RBFOX1: variants seen among roughly 807,000 people sequenced by gnomAD.
RBFOX1 encodes the protein RNA binding fox-1 homolog 1, also known as RNA binding protein fox-1 homolog 1.
RBFOX1 carries 8 observed loss-of-function variants against 57.7 expected under a neutral mutation model. The observed-to-expected ratio is 0.14, with a 90% CI of 0.08 to 0.25. RBFOX1 has a LOEUF of 0.25. Ranked by LOEUF, RBFOX1 falls within the 10% of genes least tolerant of loss-of-function variation. The pLI is 1.00. For synonymous variants in RBFOX1, 326 were observed against 222.4 expected, an observed-to-expected ratio of 1.47 and a Z score of -4.15; for missense variants, 611 against 548.5, an observed-to-expected ratio of 1.11 and a Z score of -1.14.
At chr16:6,344,710 T>G (rs1394771476) in intron 2 of RBFOX1, among the ~76,000 whole-genome samples, 2 of 146,044 alleles carry the variant, frequency 1.4e-5, no homozygotes, top group Non-Finnish European at 3.0e-5. Context: ...TTTTTTTTTT[T>G]TTTTTGAGAC....
intron 1 of RBFOX1, among the ~76,000 whole-genome samples, chr16:5,427,309 G>A (rs977854160): frequency 1.3e-5 from 2 of 152,224 alleles, no homozygotes; most frequent in Non-Finnish European, 2.9e-5. Flanking sequence ...ACGTGGCTGG[G>A]CACGGTGGCT....
At chr16:7,540,629 A>T (rs766188346) in intron 5 of RBFOX1, among the ~76,000 whole-genome samples, 1 of 152,170 alleles carries the variant, frequency 6.6e-6, no homozygotes, top group Non-Finnish European at 1.5e-5. Flanking sequence ...GACATAAAAG[A>T]TGTCCGTAAA....
intron 5 of RBFOX1, among the ~76,000 whole-genome samples, chr16:7,556,722 C>T (rs1320629477): frequency 6.6e-6 from 1 of 152,130 alleles, no homozygotes; most frequent in East Asian, 1.9e-4. Flanking sequence ...TTAATTTCCT[C>T]ATCTATAAAA....
intron 4 of RBFOX1, among the ~76,000 whole-genome samples, chr16:7,334,179 G>C (rs904241788): frequency 1.3e-5 from 2 of 152,094 alleles, no homozygotes; most frequent in African/African-American, 4.8e-5. Context: ...TGGGTGATTA[G>C]AGTCATCTGG....
intron 3 of RBFOX1, among the ~76,000 whole-genome samples, chr16:6,813,757 C>T (rs551679688): frequency 4.2e-4 from 64 of 152,318 alleles, no homozygotes; most frequent in Non-Finnish European, 8.4e-4. Flanking sequence ...ACCTCCTGGG[C>T]ATGCCAATGG....
chr16:6,198,327 A>C (rs1307173377), intron 1 of RBFOX1, among the ~76,000 whole-genome samples: 1 of 152,234 alleles, frequency 6.6e-6, no homozygotes, highest in African/African-American at 2.4e-5. Flanking sequence ...TGATGACAAG[A>C]TACATTCAAG....
intron 4 of RBFOX1, among the ~76,000 whole-genome samples, chr16:7,451,502 T>G (rs1285236204): frequency 6.6e-6 from 1 of 152,072 alleles, no homozygotes; most frequent in Admixed American, 6.6e-5. Flanking sequence ...AATGGCAACT[T>G]CATGTATCAA....
In RBFOX1 at chr16:5,283,295, G is replaced by C. The variant is rs748132933; in HGVS notation, c.219+43190G>C. Among the ~76,000 whole-genome samples the C allele has an allele frequency of 1.2e-3, 176 of 152,286 alleles. 2 individuals carry two copies. Among genetic ancestry groups the C allele is most frequent in the Middle Eastern group, 0.01 (3 of 294 alleles). On this transcript the variant is annotated intron_variant, in intron 1 of 2. Transcript: ENST00000585867. ...CTAGGGCAGTGCGGAAGGGAAATGTGGGGTCGGAGCCCCCACATAGAGTCC... is the reference window on the plus strand; with the variant it reads ...CTAGGGCAGTGCGGAAGGGAAATGTCGGGTCGGAGCCCCCACATAGAGTCC...
intron 14 of RBFOX1, among the ~76,000 whole-genome samples, chr16:7,699,963 C>T (rs759427319): frequency 1.3e-5 from 2 of 152,056 alleles, no homozygotes; most frequent in East Asian, 3.9e-4. Flanking sequence ...TTGTCAGTGT[C>T]TTGGTATTGG....
intron 2 of RBFOX1, among the ~76,000 whole-genome samples, chr16:5,529,759 G>A (rs1403942280): frequency 6.6e-6 from 1 of 152,082 alleles, no homozygotes. Context: ...GTAGAAACGG[G>A]GTTTCACCAT....
chr16:7,032,653 G>C (rs957377714), intron 3 of RBFOX1, among the ~76,000 whole-genome samples: 42 of 152,018 alleles, frequency 2.8e-4, no homozygotes, highest in African/African-American at 1.0e-3. Context: ...TTGCTTGATG[G>C]AATTAAAGAC....
intron 4 of RBFOX1, among the ~76,000 whole-genome samples, chr16:7,320,077 T>A (rs1226764055): frequency 6.6e-6 from 1 of 152,174 alleles, no homozygotes; most frequent in Non-Finnish European, 1.5e-5. Flanking sequence ...TTAAAAAAAT[T>A]AATTTTATTG....
chr16:5,354,234 C>T (rs768276569), intron 1 of RBFOX1, among the ~76,000 whole-genome samples: 11 of 152,154 alleles, frequency 7.2e-5, no homozygotes, highest in Non-Finnish European at 1.3e-4. Flanking sequence ...GGGTGAGTCT[C>T]TCTGGTCTTT....
At chr16:6,991,470 A>G (rs921919678) in intron 3 of RBFOX1, among the ~76,000 whole-genome samples, 5 of 152,280 alleles carry the variant, frequency 3.3e-5, no homozygotes. Context: ...ATACGTAGAT[A>G]AGTCCTTTTG....
At chr16:5,502,844 C>T (rs536332693) in intron 2 of RBFOX1, among the ~76,000 whole-genome samples, 11 of 152,252 alleles carry the variant, frequency 7.2e-5, no homozygotes, top group African/African-American at 2.6e-4. Context: ...TGAGAAATAG[C>T]CAGGGCAGGG....
chr16:7,150,392 G>A (rs748144929), intron 4 of RBFOX1, among the ~76,000 whole-genome samples: 3 of 152,078 alleles, frequency 2.0e-5, no homozygotes, highest in Admixed American at 6.5e-5. Context: ...ATTTGAGAAC[G>A]TCATGAATTG....
At chr16:6,709,499 C>T (rs151131598) in intron 3 of RBFOX1, among the ~76,000 whole-genome samples, 215 of 152,284 alleles carry the variant, frequency 1.4e-3, no homozygotes, top group Non-Finnish European at 2.5e-3. Flanking sequence ...GGTTGACCTA[C>T]TGTTGCAGCA....
intron 4 of RBFOX1, among the ~76,000 whole-genome samples, chr16:7,448,184 C>T (rs182380906): frequency 2.0e-4 from 31 of 152,256 alleles, no homozygotes; most frequent in East Asian, 3.9e-4. Context: ...GCAAACAGAG[C>T]GGCTTAAAAT....
chr16:6,740,643 A>G (rs187741720), intron 3 of RBFOX1, among the ~76,000 whole-genome samples: 9 of 152,296 alleles, frequency 5.9e-5, no homozygotes, highest in Non-Finnish European at 1.3e-4. Context: ...AATCACCCAG[A>G]AAAAAGGGAA....
Sources: allele counts gnomAD v4.1 joint callset (sites outside exome capture counted in the v4.1 genomes callset), GRCh38; gene constraint gnomAD v4.1.1; transcripts MANE v1.5; gene names NCBI Gene and HGNC (gene_info 2026-07-23, HGNC 2026-07-21).